TAOK1: variants seen among roughly 807,000 people sequenced by gnomAD.
The protein encoded by TAOK1 is serine/threonine-protein kinase TAO1.
TAOK1 carries 21 observed loss-of-function variants against 138.3 expected under a neutral mutation model. That is an observed-to-expected ratio of 0.15 (90% CI 0.11 to 0.22). The LOEUF is 0.22. TAOK1 is among the 10% of genes least tolerant of loss of function. The pLI, the probability that TAOK1 is intolerant of heterozygous loss-of-function variation, is 1.00. For missense variants in TAOK1, 651 were observed against 1,227.7 expected, an observed-to-expected ratio of 0.53 and a Z score of 7.02; for synonymous variants, 361 against 398.4, an observed-to-expected ratio of 0.91 and a Z score of 1.12.
chr17:29,416,311 ATTTTT>A (rs964626803), intron 1 of TAOK1, among the ~76,000 whole-genome samples: 6 of 151,942 alleles, frequency 3.9e-5, no homozygotes, highest in African/African-American at 1.4e-4. Context: ...AACATTATTT[ATTTTT>A]ATTTTTATTG....
At chr17:29,439,242 G>A (rs1405226223) in intron 1 of TAOK1, among the ~76,000 whole-genome samples, 2 of 131,510 alleles carry the variant, frequency 1.5e-5, no homozygotes, top group Non-Finnish European at 3.1e-5. Context: ...CTCCTCTCTT[G>A]CCCAGGCTGG....
chr17:29,414,234 TG>T (rs1392708187), intron 1 of TAOK1, among the ~76,000 whole-genome samples: 1 of 151,482 alleles, frequency 6.6e-6, no homozygotes, highest in Non-Finnish European at 1.5e-5. Context: ...TCATCCATGG[TG>T]GAGCATGTAT....
chr17:29,431,372 A>G (rs986714789), intron 1 of TAOK1, among the ~76,000 whole-genome samples: 11 of 152,008 alleles, frequency 7.2e-5, no homozygotes, highest in Non-Finnish European at 1.6e-4. Context: ...AGCTCAGGAA[A>G]TCAAGGCTGC....
chr17:29,410,989 C>G (rs1905128635), intron 1 of TAOK1, among the ~76,000 whole-genome samples: 1 of 151,884 alleles, frequency 6.6e-6, no homozygotes, highest in Non-Finnish European at 1.5e-5. Context: ...TTTTTCTCTC[C>G]CATTTCAGTT....
intron 2 of TAOK1, among the ~76,000 whole-genome samples, chr17:29,453,253 G>A (rs913866822): frequency 5.4e-5 from 8 of 148,378 alleles, no homozygotes; most frequent in South Asian, 4.3e-4. Context: ...TCCGCCTCCC[G>A]GGTTCATGCC....
At chr17:29,541,357 G>A (rs867002195) in intron 19 of TAOK1, among the ~76,000 whole-genome samples, 104 of 150,234 alleles carry the variant, frequency 6.9e-4, no homozygotes, top group African/African-American at 1.2e-4. Context: ...TGATCTACCC[G>A]CCTCAGCCTC....
intron 3 of TAOK1, among the ~76,000 whole-genome samples, chr17:29,471,372 C>T (rs980282345): frequency 5.7e-5 from 8 of 140,840 alleles, no homozygotes; most frequent in South Asian, 2.3e-4. Flanking sequence ...CTTCGCCTCC[C>T]GGGTTCAAGT....
At chr17:29,493,376 C>A (rs534925946) in intron 10 of TAOK1, among the ~76,000 whole-genome samples, 3 of 151,796 alleles carry the variant, frequency 2.0e-5, no homozygotes, top group African/African-American at 7.3e-5. Context: ...TGCCTGTAAT[C>A]CCAGCTACTC....
Position 29,475,766 on chromosome 17 carries a change from G to A in TAOK1, c.301G>A (p.Ala101Thr). 6.2e-7 allele frequency: 1 copy of A among 1,609,848 alleles called. No individual in the cohort carries two copies. The highest frequency in any genetic ancestry group is 8.5e-7 in the Non-Finnish European group (1 of 1,177,464). ...YKGCYLREHT[A>T]WLVMEYCLGS... is the part of the protein sequence containing the mutation. ...AGGCTGTTATTTACGTGAACACACAGCATGGGTTGGTATTTGTTCTCCCCT... is the reference window on the plus strand; with the variant it reads ...AGGCTGTTATTTACGTGAACACACAACATGGGTTGGTATTTGTTCTCCCCT... The change falls in exon 4 of 20, where the codon GCA becomes ACA. Residue 101 changes from alanine (A) to threonine (T), a missense_variant. Physicochemically the swap from Ala to Thr is moderately conservative, Grantham distance 58. This residue lies in a region of TAOK1 where 116 missense variants were observed against 213.9 expected (regional missense o/e 0.54). Transcript: ENST00000261716.
In TAOK1 at chr17:29,546,079, A is replaced by C. The variant is rs1466718672; in HGVS notation, c.*3057A>C. 6.6e-6 allele frequency: 1 copy of C among 152,160 alleles called. No individual in the cohort carries two copies. Among genetic ancestry groups the C allele is most frequent in the African/African-American group, 2.4e-5 (1 of 41,454 alleles). 9.4% of individuals were successfully genotyped at this position (152,160 alleles called of 1,614,324 possible). On this transcript the variant is annotated 3_prime_UTR_variant, in exon 20 of 20. Transcript: ENST00000261716. ...TCCTCCCCTTATTGAAGTCAGCTCT[A>C]ACCCCAAATTCTAGTATCCAAAAGT...
At chr17:29,397,692 T>TATGTATA (rs59974689) in intron 1 of TAOK1, among the ~76,000 whole-genome samples, 2 of 147,598 alleles carry the variant, frequency 1.4e-5, no homozygotes, top group African/African-American at 2.5e-5. Context: ...TACATGTATA[T>TATGTATA]TCATGTATGC....
At chr17:29,425,819 G>A (rs1428271880) in intron 1 of TAOK1, among the ~76,000 whole-genome samples, 1 of 152,150 alleles carries the variant, frequency 6.6e-6, no homozygotes, top group Non-Finnish European at 1.5e-5. Flanking sequence ...TTTAAATATT[G>A]TAAAATTTCT....
At chr17:29,433,719 C>T (rs956190198) in intron 1 of TAOK1, among the ~76,000 whole-genome samples, 3 of 152,198 alleles carry the variant, frequency 2.0e-5, no homozygotes, top group Admixed American at 2.0e-4. Flanking sequence ...GGCCAGACTC[C>T]TCCCCACTGC....
At chr17:29,403,001 A>C (rs1244452666) in intron 1 of TAOK1, among the ~76,000 whole-genome samples, 1 of 151,814 alleles carries the variant, frequency 6.6e-6, no homozygotes, top group Non-Finnish European at 1.5e-5. Context: ...CTCAAAAAAA[A>C]AAAAACAAAA....
intron 4 of TAOK1, among the ~76,000 whole-genome samples, 155 bp from the exon 5 acceptor site, chr17:29,477,505 AG>A (rs1393960776): frequency 1.3e-5 from 2 of 151,616 alleles, no homozygotes; most frequent in Non-Finnish European, 2.9e-5. Flanking sequence ...TATTATTCTG[AG>A]TAATATCTAT....
At chr17:29,525,368 CCCAAAGTG>C (rs1339649570) in intron 17 of TAOK1, among the ~76,000 whole-genome samples, 1 of 152,036 alleles carries the variant, frequency 6.6e-6, no homozygotes, top group Non-Finnish European at 1.5e-5. Context: ...GCCTCGGCCT[CCCAAAGTG>C]CTGGGATTAC....
At chr17:29,394,045 C>G (rs1234019640) in intron 1 of TAOK1, among the ~76,000 whole-genome samples, 1 of 148,774 alleles carries the variant, frequency 6.7e-6, no homozygotes, top group Admixed American at 6.8e-5. Flanking sequence ...GCCCATGTTA[C>G]GATGCCATTT....
At chr17:29,400,860 A>G (rs1244344499) in intron 1 of TAOK1, among the ~76,000 whole-genome samples, 1 of 151,174 alleles carries the variant, frequency 6.6e-6, no homozygotes, top group Non-Finnish European at 1.5e-5. Context: ...AGTGTGGTGC[A>G]TAAAGTAAGG....
chr17:29,519,392 G>A (rs1489647121), intron 16 of TAOK1, among the ~76,000 whole-genome samples: 1 of 151,932 alleles, frequency 6.6e-6, no homozygotes, highest in African/African-American at 2.4e-5. Context: ...GGTGGCGGGC[G>A]CCTATAATTC....
Sources: gnomAD v4.1 joint callset for allele counts (sites outside exome capture counted in the v4.1 genomes callset) on GRCh38, gnomAD v4.1.1 for gene constraint, gnomAD v4.1.1 regional missense constraint, MANE v1.5 for transcripts, NCBI Gene and HGNC (gene_info 2026-07-23, HGNC 2026-07-21) for gene names.